Variants in NFATC1 observed in about 807,000 individuals in gnomAD.
NFATC1 encodes nuclear factor of activated T-cells, cytoplasmic 1.
Under a neutral mutation model 76.0 loss-of-function variants are expected in NFATC1, and 22 were observed. That is an observed-to-expected ratio of 0.29 (90% CI 0.21 to 0.41). NFATC1 has a LOEUF of 0.41. Ranked by LOEUF, NFATC1 falls within the 10% of genes least tolerant of loss-of-function variation. The probability of loss-of-function intolerance (pLI) is 1.00; values close to 1 mark genes in which losing one functional copy is unlikely to be tolerated. For synonymous variants in NFATC1, 704 were observed against 613.1 expected (o/e 1.15, Z -2.19); for missense variants, 1,357 against 1,337.7 (o/e 1.01, Z -0.23).
Position 79,486,250 on chromosome 18 carries a change from C to T in NFATC1, c.2095C>T (p.Pro699Ser), listed in dbSNP as rs572329110. ...AATTTTTTTTTTCCTTCTCACAGTT[C>T]CAATTATAAAAACAGAACCCACTGA... ...QRFTYLPANVPIIKTEPTDDY... is the reference protein window; with the variant it reads ...QRFTYLPANVSIIKTEPTDDY... Residue 699 changes from proline (P) to serine (S), a missense_variant and splice_region_variant, in exon 9 of 10, where the codon CCA becomes TCA. By Grantham distance (74) the Pro-to-Ser change is moderately conservative. Around this residue, in one of 3 missense-constraint regions of NFATC1, gnomAD observed 424 missense variants for 395.4 expected, o/e 1.07. Transcript: ENST00000427363. 1.9e-6 allele frequency: 3 copies of T among 1,595,034 alleles called. No individual in the cohort carries two copies. In the South Asian group the frequency reaches 3.4e-5, roughly 18 times the overall value.
At chr18:79,451,249 AC>A in intron 5 of NFATC1, 123 bp downstream of exon 5, 1 of 1,229,354 alleles carries the variant, frequency 8.1e-7, no homozygotes, top group Non-Finnish European at 1.1e-6. Context: ...CACCAAACCC[AC>A]CACAGTGTGT....
intron 9 of NFATC1, among the ~76,000 whole-genome samples, chr18:79,512,960 C>T (rs980992168): frequency 7.9e-5 from 12 of 152,380 alleles, no homozygotes; most frequent in East Asian, 5.8e-4. Context: ...AATCGCCTTC[C>T]GTACCCACCT....
intron 9 of NFATC1, among the ~76,000 whole-genome samples, chr18:79,491,911 T>TGAGTC (rs1469870167): frequency 2.6e-5 from 4 of 152,130 alleles, no homozygotes; most frequent in Non-Finnish European, 5.9e-5. Context: ...GTCCATGAAT[T>TGAGTC]GAGTCACTTC....
chr18:79,484,276 A>C (rs1431043443), intron 8 of NFATC1, among the ~76,000 whole-genome samples: 1 of 152,116 alleles, frequency 6.6e-6, no homozygotes, highest in East Asian at 1.9e-4. Flanking sequence ...CCTGGGCTGC[A>C]GAGCCCCAGG....
At chr18:79,499,818 G>C (rs1284070716) in intron 9 of NFATC1, among the ~76,000 whole-genome samples, 4 of 152,138 alleles carry the variant, frequency 2.6e-5, no homozygotes, top group African/African-American at 9.7e-5. Flanking sequence ...TAGAAATTTG[G>C]AGTAGCTACA....
intron 9 of NFATC1, among the ~76,000 whole-genome samples, chr18:79,489,831 T>C (rs416522): frequency 0.63 from 96,468 of 152,144 alleles, 30,662 homozygotes; most frequent in Middle Eastern, 0.69. Flanking sequence ...TGTGTGCTTC[T>C]GCCTCCATAA....
chr18:79,437,534 C>T (rs941632996), intron 3 of NFATC1, among the ~76,000 whole-genome samples: 6 of 152,342 alleles, frequency 3.9e-5, no homozygotes, highest in African/African-American at 1.2e-4. Flanking sequence ...GCTGAGGGGG[C>T]GTCCGCCTGC....
In NFATC1 at chr18:79,410,796, C is replaced by T. The variant is rs1213093305; in HGVS notation, c.521C>T (p.Ala174Val). The T allele has an allele frequency of 1.2e-6, 2 of 1,612,732 alleles. No individual in the cohort carries two copies. Among genetic ancestry groups the T allele is most frequent in the South Asian group, 1.1e-5 (1 of 91,050 alleles). Residue 174 changes from alanine to valine, a missense_variant, in exon 2 of 10, where the codon GCC becomes GTC. By Grantham distance (64) the Ala-to-Val change is moderately conservative. This residue lies in a region of NFATC1 where 691 missense variants were observed against 613.1 expected (regional missense o/e 1.13). Transcript: ENST00000427363. This position sits in a 1 kb window ranked among gnomAD's most constrained non-coding sequence, Gnocchi z 6.7. ...AYRDPSCLSP[A>V]SSLSSRSCNS... ...AGAGACCCCTCGTGCCTGAGCCCGG[C>T]CAGCAGCCTGTCCTCCCGGAGCTGC...
chr18:79,410,366 G>A lies in NFATC1; in HGVS notation c.128-37G>A. 6.4e-7 allele frequency: 1 copy of A among 1,565,166 alleles called. No individual in the cohort carries two copies. On this transcript the variant is annotated intron_variant, in intron 1 of 9. Coordinates refer to ENST00000427363, the MANE Select transcript of NFATC1 (RefSeq NM_001278669.2). This position sits in a 1 kb window ranked among gnomAD's most constrained non-coding sequence, Gnocchi z 6.7. ...ATGGGTTTCTGCTTTGTGATGCCCA[G>A]CCCCTCATGCTCCCATCTGCTTCTT...
chr18:79,518,960 G>A (rs1364372218), intron 9 of NFATC1, among the ~76,000 whole-genome samples: 1 of 152,234 alleles, frequency 6.6e-6, no homozygotes, highest in Non-Finnish European at 1.5e-5. Context: ...TCACAGAGCA[G>A]AACGGGGTCT....
At chr18:79,471,675 CAGG>C (rs947804372) in intron 8 of NFATC1, among the ~76,000 whole-genome samples, 5 of 152,214 alleles carry the variant, frequency 3.3e-5, no homozygotes, top group African/African-American at 9.6e-5. Flanking sequence ...CCCCCTTCCT[CAGG>C]GGACACGCGG....
intron 1 of NFATC1, among the ~76,000 whole-genome samples, chr18:79,404,111 TC>T (rs2085355709): frequency 1.3e-5 from 2 of 152,208 alleles, no homozygotes; most frequent in Admixed American, 1.3e-4. Flanking sequence ...ATTTTTTAAT[TC>T]CTTGAAAACA....
In NFATC1 at chr18:79,465,798, A is replaced by T. The variant is rs1050957025; in HGVS notation, c.1960-1652A>T. On this transcript the variant is annotated intron_variant, in intron 7 of 9. Transcript: ENST00000427363. This position sits in a 1 kb window ranked among gnomAD's most constrained non-coding sequence, Gnocchi z 4.2. ...GAAGCGTCTCTTTATCCCCCGTACA[A>T]ATGCCGAGACAGGCTCCGGGTGGCC... 6.6e-6 allele frequency among the ~76,000 whole-genome samples: 1 copy of T among 152,190 alleles called. No homozygotes were observed. The highest frequency in any genetic ancestry group is 6.5e-5 in the Admixed American group (1 of 15,282).
intron 6 of NFATC1, among the ~76,000 whole-genome samples, chr18:79,458,855 G>C (rs11663201): frequency 6.6e-6 from 1 of 152,244 alleles, no homozygotes; most frequent in African/African-American, 2.4e-5. Flanking sequence ...CCATCTTTCA[G>C]CAGTCTCGGC....
At chr18:79,431,335 A>C (rs898268359) in intron 2 of NFATC1, among the ~76,000 whole-genome samples, 1 of 152,102 alleles carries the variant, frequency 6.6e-6, no homozygotes, top group Non-Finnish European at 1.5e-5. Flanking sequence ...TCTTTAAACG[A>C]GTCTTCTATT....
At chr18:79,459,322 C>A (rs1186570810) in intron 6 of NFATC1, among the ~76,000 whole-genome samples, 1 of 152,228 alleles carries the variant, frequency 6.6e-6, no homozygotes, top group Non-Finnish European at 1.5e-5. Flanking sequence ...AAAGACGCCT[C>A]CATGCCGTCG....
intron 9 of NFATC1, among the ~76,000 whole-genome samples, chr18:79,492,541 C>G (rs2089710335): frequency 6.6e-6 from 1 of 152,060 alleles, no homozygotes; most frequent in African/African-American, 2.4e-5. Flanking sequence ...AACCCCATCT[C>G]TACTAAAAAT....
intron 9 of NFATC1, among the ~76,000 whole-genome samples, chr18:79,520,537 G>T (rs538423178): frequency 2.7e-4 from 39 of 143,030 alleles, no homozygotes; most frequent in African/African-American, 9.1e-4. Context: ...TGTGTGGGGG[G>T]GGGAGGGTGC....
chr18:79,403,599 A>G (rs1316394209), intron 1 of NFATC1, among the ~76,000 whole-genome samples: 1 of 152,234 alleles, frequency 6.6e-6, no homozygotes, highest in African/African-American at 2.4e-5. Flanking sequence ...GGCAACTCAG[A>G]GGAAATTGGC....
Sources: gnomAD v4.1 joint callset for allele counts (sites outside exome capture counted in the v4.1 genomes callset) on GRCh38, gnomAD v4.1.1 for gene constraint, gnomAD v4.1.1 regional missense constraint, Gnocchi (gnomAD v3.1) non-coding constraint, MANE v1.5 for transcripts, NCBI Gene and HGNC (gene_info 2026-07-23, HGNC 2026-07-21) for gene names.